Variants in GUCY2F observed in about 807,000 individuals in gnomAD.
GUCY2F encodes the protein guanylate cyclase 2F, retinal.
GUCY2F carries 61 observed loss-of-function variants against 73.1 expected under a neutral mutation model. That is an observed-to-expected ratio of 0.83 (90% confidence interval 0.68 to 1.03). The LOEUF (loss-of-function observed/expected upper bound fraction) is 1.03, where lower values mean the gene tolerates loss of function less well. GUCY2F is among the 50% of genes least tolerant of loss of function. The pLI is 0.00. For missense variants in GUCY2F, 912 were observed against 854.3 expected (o/e 1.07, Z -0.84); for synonymous variants, 331 against 307.8 (o/e 1.08, Z -0.79).
intron 14 of GUCY2F, among the ~76,000 whole-genome samples, chrX:109,390,896 GCTCT>G (rs1326754146): frequency 8.9e-6 from 1 of 112,366 alleles, no homozygotes; most frequent in African/African-American, 3.2e-5. Context: ...TAGCCCTGAG[GCTCT>G]CTATCTGACC....
chrX:109,441,145 A>T (rs1326905514), intron 7 of GUCY2F, among the ~76,000 whole-genome samples: 1 of 112,303 alleles, frequency 8.9e-6, no homozygotes, highest in East Asian at 2.8e-4. Context: ...TTGAAAGATC[A>T]GTGAAGTTAT....
At chrX:109,423,709 T>TAAA (rs571749403) in intron 8 of GUCY2F, among the ~76,000 whole-genome samples, 4 of 97,645 alleles carry the variant, frequency 4.1e-5, no homozygotes, top group African/African-American at 1.1e-4. Flanking sequence ...TGGTTTTTAT[T>TAAA]AAAAAAAAAA....
At chrX:109,472,315 T>G (rs1932591518) in intron 2 of GUCY2F, among the ~76,000 whole-genome samples, 1 of 110,336 alleles carries the variant, frequency 9.1e-6, no homozygotes, top group South Asian at 3.9e-4. Context: ...TTCCAAATAT[T>G]TCTAGGCCCC....
intron 6 of GUCY2F, among the ~76,000 whole-genome samples, chrX:109,443,695 A>G (rs751781634): frequency 3.6e-4 from 40 of 112,148 alleles, no homozygotes; most frequent in African/African-American, 1.3e-3. Context: ...AGCCTCATTC[A>G]ATCCAAAATT....
chrX:109,475,255 T>C lies in GUCY2F; in HGVS notation c.682A>G (p.Ser228Gly). Residue 228 changes from serine to glycine, a missense_variant, in exon 2 of 20, where the codon AGC becomes GGC. Ser to Gly is a moderately conservative substitution (Grantham distance 56). Transcript: ENST00000218006. ...ATCCTCTGGAGGGCTTTCCGCATGC[T>C]TTGGCTGTCTTGTCCTGTGGTCAGG... Reference protein sequence around the residue: ...VVLTTGQDSQSMRKALQRIHQ... With the variant: ...VVLTTGQDSQGMRKALQRIHQ... The C allele has an allele frequency of 8.3e-7, 1 of 1,210,444 alleles. No individual in the cohort carries two copies. Among genetic ancestry groups the C allele is most frequent in the Non-Finnish European group, 1.1e-6 (1 of 894,339 alleles).
intron 8 of GUCY2F, among the ~76,000 whole-genome samples, chrX:109,415,298 C>T (rs923455138): frequency 1.8e-5 from 2 of 111,896 alleles, no homozygotes; most frequent in African/African-American, 6.5e-5. Context: ...ACTGGTAATG[C>T]TTTTGGCAAT....
chrX:109,440,901 T>TTTTAAAG (rs1275884252), intron 7 of GUCY2F, among the ~76,000 whole-genome samples: 1 of 112,163 alleles, frequency 8.9e-6, no homozygotes, highest in East Asian at 2.8e-4. Flanking sequence ...ACTGAATAAA[T>TTTTAAAG]TTTAAAGTCT....
Position 109,481,071 on chromosome X carries a change from GAA to G in GUCY2F, c.-86+793_-86+794del, listed in dbSNP as rs1932761963. On this transcript the variant is annotated intron_variant, in intron 1 of 19. Coordinates refer to ENST00000218006, the MANE Select transcript of GUCY2F (RefSeq NM_001522.3). ...GGAAGGAAGGAAGGAAGGAAGGAAGGAAGGAAGGAAGGAAGGAAGGAAGGAAG... is the reference window on the plus strand; with the variant it reads ...GGAAGGAAGGAAGGAAGGAAGGAAGGGGAAGGAAGGAAGGAAGGAAGGAAG... 2.5e-4 allele frequency among the ~76,000 whole-genome samples: 14 copies of G among 55,228 alleles called. 3 individuals carry two copies. Among genetic ancestry groups the G allele is most frequent in the South Asian group, 3.4e-3 (2 of 586 alleles). The allele number at this position is 55,228 out of a possible 115,157, so 48.0% of individuals were successfully genotyped here.
At chrX:109,384,416 A>G (rs1189187760) in intron 16 of GUCY2F, among the ~76,000 whole-genome samples, 1 of 112,452 alleles carries the variant, frequency 8.9e-6, no homozygotes, top group African/African-American at 3.2e-5. Context: ...GCTTTGCTCA[A>G]CCATGATATA....
chrX:109,388,336 A>G (rs1011562138), intron 15 of GUCY2F, among the ~76,000 whole-genome samples, 153 bp downstream of exon 15: 4 of 111,501 alleles, frequency 3.6e-5, no homozygotes, highest in Non-Finnish European at 5.7e-5. Flanking sequence ...CTGGGAGGAG[A>G]GTAAATTTGG....
intron 7 of GUCY2F, among the ~76,000 whole-genome samples, chrX:109,434,081 GAA>G (rs894374313): frequency 9.0e-6 from 1 of 111,015 alleles, no homozygotes; most frequent in Non-Finnish European, 1.9e-5. Context: ...AATGATCTGA[GAA>G]AGAGAGATGA....
chrX:109,453,592 C>T lies in GUCY2F; in HGVS notation c.1300G>A (p.Gly434Arg), dbSNP rs56293008. 172 of 1,206,247 alleles carry T rather than the reference C, an allele frequency of 1.4e-4. No individual in the cohort carries two copies. The Middle Eastern group carries it at 3.2e-3, about 23-fold the overall frequency. Residue 434 changes from glycine to arginine, a missense_variant, in exon 4 of 20, where the codon GGA (glycine) becomes AGA (arginine). By Grantham distance (125) the Gly-to-Arg change is moderately radical. Coordinates refer to ENST00000218006, the MANE Select transcript of GUCY2F (RefSeq NM_001522.3). Reference protein sequence around the residue: ...VDMEMELLRFGGTPIHFPGGR... With the variant: ...VDMEMELLRFRGTPIHFPGGR... The stretch of plus-strand genomic sequence containing the variant: ...CCAGGGAAGTGAATAGGGGTCCCTC[C>T]GAAACGTAGCAGCTCCATTTCCATG...
intron 3 of GUCY2F, among the ~76,000 whole-genome samples, chrX:109,457,204 T>G (rs1216495396): frequency 8.9e-6 from 1 of 112,264 alleles, no homozygotes; most frequent in Non-Finnish European, 1.9e-5. Context: ...TTTTAAAGTT[T>G]TTATCCAAGA....
Position 109,441,385 on chromosome X carries a change from G to A in GUCY2F, c.1667C>T (p.Ala556Val), listed in dbSNP as rs764638274. Residue 556 changes from alanine (A) to valine (V), a missense_variant, in exon 7 of 20, where the codon GCT (alanine) becomes GTT (valine). Ala to Val is a moderately conservative substitution (Grantham distance 64). Coordinates refer to ENST00000218006, the MANE Select transcript of GUCY2F (RefSeq NM_001522.3). ...CGCTATGTTGGAGTTTTCATAGGTA[G>A]CTGGAGTTAGACTCCCTGAAGAAAA... is the stretch of plus-strand genomic sequence containing the variant. The part of the protein sequence containing the change: ...LSFSSGSLTP[A>V]TYENSNIAIY... The A allele has an allele frequency of 1.1e-5, 13 of 1,154,352 alleles. No individual in the cohort carries two copies. The African/African-American group carries it at 2.3e-4, about 21-fold the overall frequency.
At chrX:109,379,250 A>G (rs1930245124) in intron 17 of GUCY2F, among the ~76,000 whole-genome samples, 1 of 112,312 alleles carries the variant, frequency 8.9e-6, no homozygotes, top group Non-Finnish European at 1.9e-5. Flanking sequence ...ATGATGGTGT[A>G]AGAACACAAA....
At chrX:109,424,279 T>C (rs1931433085) in intron 8 of GUCY2F, among the ~76,000 whole-genome samples, 2 of 112,233 alleles carry the variant, frequency 1.8e-5, no homozygotes, top group East Asian at 5.6e-4. Flanking sequence ...TAGGAATCTA[T>C]TAAAGAGATT....
chrX:109,455,337 G>T (rs1453063708), intron 3 of GUCY2F, among the ~76,000 whole-genome samples: 1 of 111,801 alleles, frequency 8.9e-6, no homozygotes, highest in Non-Finnish European at 1.9e-5. Context: ...CTTCCTCTGT[G>T]AAATGAGAAT....
intron 19 of GUCY2F, among the ~76,000 whole-genome samples, chrX:109,373,767 G>A (rs1205060438): frequency 8.9e-6 from 1 of 112,771 alleles, no homozygotes; most frequent in East Asian, 2.8e-4. Flanking sequence ...ATTAAAAGAG[G>A]GGGCTTGTCA....
rs1393293673 is a variant in GUCY2F, at chrX:109,398,583, A to G, written c.2241T>C (p.Gly747=). ...GCAGATCCATCATGCAGAATGGGGT[A>G]CCCCGGACCATCACTTCTTGCATGA... The part of the protein sequence containing the change: ...AIIMQEVMVR[G]TPFCMMDLPA... Residue 747 remains glycine, a synonymous_variant, in exon 11 of 20, where the codon GGT becomes GGC. Transcript: ENST00000218006. 5 of 1,207,621 alleles carry G rather than the reference A, an allele frequency of 4.1e-6. No homozygotes were observed. Among genetic ancestry groups the G allele is most frequent in the African/African-American group, 1.8e-5 (1 of 56,945 alleles).
Sources: allele counts gnomAD v4.1 joint callset (sites outside exome capture counted in the v4.1 genomes callset), GRCh38; gene constraint gnomAD v4.1.1; transcripts MANE v1.5; gene names NCBI Gene and HGNC (gene_info 2026-07-23, HGNC 2026-07-21).